Variants in SHROOM3 observed in about 807,000 individuals in gnomAD.
The protein encoded by SHROOM3 is protein Shroom3.
In SHROOM3, 47 loss-of-function variants were observed where a neutral mutation model predicts 138.6. That is an observed-to-expected ratio of 0.34 (90% CI 0.27 to 0.43). The LOEUF (loss-of-function observed/expected upper bound fraction) is 0.43. SHROOM3 is among the 20% of genes least tolerant of loss of function. SHROOM3 has a pLI of 1.00. For missense variants in SHROOM3, 2,491 were observed against 2,596.5 expected, an observed-to-expected ratio of 0.96 and a Z score of 0.88; for synonymous variants, 1,062 against 1,063.3, an observed-to-expected ratio of 1.00 and a Z score of 0.02.
chr4:76,650,525 ATT>A (rs1735932000), intron 2 of SHROOM3, among the ~76,000 whole-genome samples: 1 of 31,830 alleles, frequency 3.1e-5, no homozygotes, highest in African/African-American at 2.2e-4. Flanking sequence ...AAGTATATTT[ATT>A]TATTTATTTA....
intron 1 of SHROOM3, among the ~76,000 whole-genome samples, chr4:76,504,459 G>A (rs767214990): frequency 1.1e-4 from 17 of 152,042 alleles, no homozygotes; most frequent in East Asian, 3.9e-4. Flanking sequence ...ATGCCCGGCC[G>A]ACTTATCAGT....
intron 7 of SHROOM3, among the ~76,000 whole-genome samples, 161 bp from the exon 8 acceptor site, chr4:76,756,288 C>T (rs1180037140): frequency 2.0e-5 from 3 of 152,160 alleles, no homozygotes; most frequent in African/African-American, 7.2e-5. Flanking sequence ...TATTCTTTAA[C>T]ATTAGCTCTG....
intron 2 of SHROOM3, among the ~76,000 whole-genome samples, chr4:76,695,212 G>T (rs1487934815): frequency 6.6e-6 from 1 of 152,114 alleles, no homozygotes; most frequent in Admixed American, 6.5e-5. Flanking sequence ...TCTTTTCCCA[G>T]CCCCTCACAA....
chr4:76,468,874 A>C (rs1731303843), intron 1 of SHROOM3, among the ~76,000 whole-genome samples: 2 of 152,104 alleles, frequency 1.3e-5, no homozygotes, highest in Non-Finnish European at 2.9e-5. Flanking sequence ...TACTAAAAAT[A>C]CAAAAAAAAA....
At position 76,741,526 on chromosome 4, in the gene SHROOM3, G is replaced by A. The variant is rs185285058; in HGVS notation, c.3353G>A (p.Ser1118Asn). 6 of 1,554,512 alleles carry A rather than the reference G, an allele frequency of 3.9e-6. No homozygotes were observed. Among genetic ancestry groups the A allele is most frequent in the Non-Finnish European group, 5.2e-6 (6 of 1,156,346 alleles). ...GGGCCACTGCGTGAGCGCGCCCAGA[G>A]TGCCTACCTCCAGCCCGGCCCCGCG... Reference protein sequence around the residue: ...EPGPLRERAQSAYLQPGPAAL... With the variant: ...EPGPLRERAQNAYLQPGPAAL... Residue 1118 changes from serine to asparagine, a missense_variant, in exon 5 of 11, where the codon AGT becomes AAT. Physicochemically the swap from Ser to Asn is conservative, Grantham distance 46. Coordinates refer to ENST00000296043, the MANE Select transcript of SHROOM3 (RefSeq NM_020859.4). The surrounding 1 kb of genome is among the most constrained non-coding windows in gnomAD (Gnocchi z 6.2).
At chr4:76,522,384 G>A (rs1348095317) in intron 1 of SHROOM3, among the ~76,000 whole-genome samples, 1 of 151,446 alleles carries the variant, frequency 6.6e-6, no homozygotes, top group Non-Finnish European at 1.5e-5. Context: ...TACATAATAA[G>A]GCATTAAGAG....
intron 2 of SHROOM3, among the ~76,000 whole-genome samples, chr4:76,591,763 CT>C (rs1577905330): frequency 6.7e-6 from 1 of 150,110 alleles, no homozygotes; most frequent in Non-Finnish European, 1.5e-5. Context: ...GTTTTTCTTT[CT>C]ATAAAGTCCT....
chr4:76,483,863 A>G (rs1293038167), intron 1 of SHROOM3, among the ~76,000 whole-genome samples: 4 of 152,170 alleles, frequency 2.6e-5, no homozygotes, highest in Non-Finnish European at 4.4e-5. Flanking sequence ...GAAGCTAGAA[A>G]CCATCATTCT....
At chr4:76,738,369 C>T (rs980668859) in intron 4 of SHROOM3, among the ~76,000 whole-genome samples, 1 of 152,234 alleles carries the variant, frequency 6.6e-6, no homozygotes. Context: ...CCTCTTCCCA[C>T]AAACAGCCCC....
rs763567711 is a variant in SHROOM3 at position 76,716,320 on chromosome 4, A to T, written c.455+6033A>T. ...TGCTGTGGGGAGCAGAAAGAGCAGT[A>T]GCAGGGCAGAATGGCTTTTTATTCC... On this transcript the variant is annotated intron_variant, in intron 3 of 10. Transcript: ENST00000296043. 1.3e-5 allele frequency: 7 copies of T among 518,926 alleles called. No homozygotes were observed. The East Asian group carries it at 3.8e-4, about 28-fold the overall frequency. The allele number at this position is 518,926 out of a possible 1,614,324, so 32.1% of individuals were successfully genotyped here. A position where few individuals can be genotyped will look rare whatever the true frequency, so the allele number is the denominator to read the frequency against.
chr4:76,759,326 C>T (rs1447187260), intron 8 of SHROOM3, among the ~76,000 whole-genome samples: 1 of 152,222 alleles, frequency 6.6e-6, no homozygotes, highest in African/African-American at 2.4e-5. Context: ...ACTGTCATCC[C>T]TAATGCTGCT....
chr4:76,540,754 T>G lies in SHROOM3; in HGVS notation c.169-14855T>G, dbSNP rs576143435. ...TTCTTCTTGCTGGCACTGATTTAGTTTCTAACCACTAGAATTTCTCCCAGA... is the reference window on the plus strand; with the variant it reads ...TTCTTCTTGCTGGCACTGATTTAGTGTCTAACCACTAGAATTTCTCCCAGA... On this transcript the variant is annotated intron_variant, in intron 1 of 10. Transcript: ENST00000296043. Among the ~76,000 whole-genome samples the G allele has an allele frequency of 3.9e-5, 6 of 152,308 alleles. No homozygotes were observed. The South Asian group carries it at 1.2e-3, about 32-fold the overall frequency.
At chr4:76,574,976 T>C (rs1163799053) in intron 2 of SHROOM3, among the ~76,000 whole-genome samples, 1 of 152,152 alleles carries the variant, frequency 6.6e-6, no homozygotes, top group African/African-American at 2.4e-5. Flanking sequence ...CCAAATTCAA[T>C]AGTACACCAA....
chr4:76,765,650 T>C (rs566800722), intron 9 of SHROOM3, among the ~76,000 whole-genome samples: 1 of 152,234 alleles, frequency 6.6e-6, no homozygotes, highest in African/African-American at 2.4e-5. Context: ...GGCGATGTGG[T>C]CTTGTCAGGG....
At chr4:76,605,223 T>A (rs902315274) in intron 2 of SHROOM3, among the ~76,000 whole-genome samples, 2 of 152,164 alleles carry the variant, frequency 1.3e-5, no homozygotes, top group East Asian at 3.9e-4. Flanking sequence ...AGTGGAGTCA[T>A]GGCCATGACA....
At chr4:76,512,645 G>A (rs1213866380) in intron 1 of SHROOM3, among the ~76,000 whole-genome samples, 2 of 152,148 alleles carry the variant, frequency 1.3e-5, no homozygotes, top group Non-Finnish European at 2.9e-5. Flanking sequence ...CCTCCAAAAT[G>A]ATTGGGGGTG....
At chr4:76,463,426 A>G (rs72657863) in intron 1 of SHROOM3, among the ~76,000 whole-genome samples, 8,765 of 152,312 alleles carry the variant, frequency 0.058, 265 homozygotes, top group Middle Eastern at 0.075. Context: ...TAGAACTTAT[A>G]TTTAAAATGG....
chr4:76,463,912 G>A (rs577887539), intron 1 of SHROOM3, among the ~76,000 whole-genome samples: 2 of 152,252 alleles, frequency 1.3e-5, no homozygotes, highest in Non-Finnish European at 2.9e-5. Flanking sequence ...ATTCCTGGAT[G>A]TCCAGGTAGA....
intron 2 of SHROOM3, among the ~76,000 whole-genome samples, chr4:76,695,257 C>T (rs940260499): frequency 1.4e-4 from 22 of 152,264 alleles, no homozygotes; most frequent in East Asian, 9.7e-4. Flanking sequence ...TGACATTGTC[C>T]GTTGCTCCTT....
Sources: gnomAD v4.1 joint callset for allele counts (sites outside exome capture counted in the v4.1 genomes callset) on GRCh38, gnomAD v4.1.1 for gene constraint, Gnocchi (gnomAD v3.1) non-coding constraint, MANE v1.5 for transcripts, NCBI Gene and HGNC (gene_info 2026-07-23, HGNC 2026-07-21) for gene names.